SULT1E1: variants seen among roughly 807,000 people sequenced by gnomAD.
SULT1E1 encodes sulfotransferase 1E1.
In SULT1E1, 36 loss-of-function variants were observed where a neutral mutation model predicts 33.6. That is an observed-to-expected ratio of 1.07 (90% CI 0.82 to 1.41). The LOEUF (loss-of-function observed/expected upper bound fraction) is 1.41. SULT1E1 is among the 40% of genes most tolerant of loss of function. The pLI is 0.00. For missense variants in SULT1E1, 371 were observed against 345.7 expected, an observed-to-expected ratio of 1.07 and a Z score of -0.58; for synonymous variants, 121 against 111.7, an observed-to-expected ratio of 1.08 and a Z score of -0.53.
chr4:69,841,846 A>C lies in SULT1E1; in HGVS notation c.*148T>G. ...ACAGAGTGAGACTCTGTCTCAAAAA[A>C]AAAAAAAAAAAGTTAAACAAAAATT... On this transcript the variant is annotated 3_prime_UTR_variant, in exon 8 of 8. Coordinates refer to ENST00000226444, the MANE Select transcript of SULT1E1 (RefSeq NM_005420.3). The C allele has an allele frequency of 1.9e-6, 1 of 520,586 alleles. No homozygotes were observed. Among genetic ancestry groups the C allele is most frequent in the Non-Finnish European group, 3.3e-6 (1 of 303,544 alleles). The allele number at this position is 520,586 out of a possible 1,614,324, so 32.2% of individuals were successfully genotyped here.
chr4:69,854,394 T>C (rs11249469), intron 3 of SULT1E1, 80 bp from the exon 4 acceptor site: 35,668 of 852,534 alleles, frequency 0.042, 845 homozygotes, highest in Admixed American at 0.075. Flanking sequence ...ATTTGTAAAA[T>C]AGAAGTAATT....
intron 7 of SULT1E1, 96 bp from the exon 8 acceptor site, chr4:69,842,202 A>G: frequency 1.5e-6 from 1 of 681,736 alleles, no homozygotes; most frequent in East Asian, 2.8e-5. Flanking sequence ...CTAATCAAAT[A>G]TTATACTTGT....
the SULT1E1 span, among the ~76,000 whole-genome samples, chr4:69,831,801 C>T: frequency 2.0e-5 from 3 of 152,114 alleles, no homozygotes; most frequent in East Asian, 5.8e-4. Flanking sequence ...CTCCTATTAG[C>T]CAGATGTGGA....
the SULT1E1 span, among the ~76,000 whole-genome samples, chr4:69,822,072 G>A: frequency 6.6e-6 from 1 of 152,134 alleles, no homozygotes; most frequent in East Asian, 1.9e-4. Context: ...TCTAGCTATA[G>A]CAATGGAAAA....
At chr4:69,842,161 G>A in intron 7 of SULT1E1, 55 bp from the exon 8 acceptor site, 4 of 1,038,924 alleles carry the variant, frequency 3.9e-6, no homozygotes, top group Non-Finnish European at 4.4e-6. Flanking sequence ...AGAATCATTA[G>A]GTTTGCTAAT....
At chr4:69,838,283 T>C (rs981486809), downstream of SULT1E1, among the ~76,000 whole-genome samples, 1 of 151,448 alleles carries the variant, frequency 6.6e-6, no homozygotes, top group African/African-American at 2.4e-5. Flanking sequence ...AATTTAATTG[T>C]TTTTATTTTT....
At chr4:69,835,828 T>C in the SULT1E1 span, among the ~76,000 whole-genome samples, 1 of 152,162 alleles carries the variant, frequency 6.6e-6, no homozygotes, top group Non-Finnish European at 1.5e-5. Flanking sequence ...CTGGGTTGTT[T>C]TGTAGAAACT....
chr4:69,839,974 C>T (rs986105527), downstream of SULT1E1, among the ~76,000 whole-genome samples: 3 of 152,238 alleles, frequency 2.0e-5, no homozygotes, highest in Middle Eastern at 6.8e-3. Flanking sequence ...TGCTTACTTA[C>T]GTCAATTATA....
chr4:69,831,999 AG>A, the SULT1E1 span, among the ~76,000 whole-genome samples: 1 of 152,102 alleles, frequency 6.6e-6, no homozygotes, highest in African/African-American at 2.4e-5. Context: ...ATACCATGTC[AG>A]TTGGGGTATA....
intron 2 of SULT1E1, among the ~76,000 whole-genome samples, chr4:69,857,096 A>G (rs1721256702): frequency 1.3e-5 from 2 of 152,154 alleles, no homozygotes; most frequent in African/African-American, 4.8e-5. Flanking sequence ...ACTATGCTTA[A>G]AAATGGAGTT....
the SULT1E1 span, among the ~76,000 whole-genome samples, chr4:69,829,764 A>G: frequency 3.3e-5 from 5 of 152,272 alleles, no homozygotes; most frequent in African/African-American, 1.2e-4. Flanking sequence ...TGAAACTCCA[A>G]TGGCTCCTAC....
At chr4:69,853,318 C>T (rs927305346) in intron 4 of SULT1E1, among the ~76,000 whole-genome samples, 4 of 151,978 alleles carry the variant, frequency 2.6e-5, no homozygotes, top group Non-Finnish European at 1.5e-5. Flanking sequence ...CAGTGTAAAC[C>T]GTCAGCTTAA....
chr4:69,845,441 A>C (rs1458995139), intron 6 of SULT1E1, among the ~76,000 whole-genome samples: 1 of 151,602 alleles, frequency 6.6e-6, no homozygotes, highest in Admixed American at 6.6e-5. Flanking sequence ...ATAAAAATTA[A>C]AAATTGAAAT....
intron 6 of SULT1E1, among the ~76,000 whole-genome samples, chr4:69,845,184 A>T (rs1406911691): frequency 6.6e-6 from 1 of 152,040 alleles, no homozygotes; most frequent in African/African-American, 2.4e-5. Flanking sequence ...ATAGTTAATA[A>T]GTACAAAAAT....
chr4:69,828,900 G>A, the SULT1E1 span, among the ~76,000 whole-genome samples: 13 of 152,308 alleles, frequency 8.5e-5, no homozygotes, highest in East Asian at 1.7e-3. Context: ...GATCATCAAT[G>A]TACTGGAGCA....
At chr4:69,858,527 C>A (rs1738708109) in intron 1 of SULT1E1, among the ~76,000 whole-genome samples, 1 of 152,098 alleles carries the variant, frequency 6.6e-6, no homozygotes, top group Admixed American at 6.6e-5. Flanking sequence ...AGCTTCCCAA[C>A]ACATTTTGTC....
At position 69,844,075 on chromosome 4, in the gene SULT1E1, C is replaced by T; in HGVS notation, c.772+86G>A. The T allele has an allele frequency of 2.5e-6, 3 of 1,213,692 alleles. No homozygotes were observed. In the South Asian group the frequency reaches 3.7e-5, roughly 15 times the overall value. The allele number at this position is 1,213,692 out of a possible 1,614,324, so 75.2% of individuals were successfully genotyped here. Reference sequence around the variant, plus strand: ...AGAAAACTTAAGCTGGGTTCATAGGCATTAAAATACCTCACTAGATTTTTG... The same window carrying T: ...AGAAAACTTAAGCTGGGTTCATAGGTATTAAAATACCTCACTAGATTTTTG... On this transcript the variant is annotated intron_variant, in intron 7 of 7. Coordinates refer to ENST00000226444, the MANE Select transcript of SULT1E1 (RefSeq NM_005420.3).
At chr4:69,825,267 G>A in the SULT1E1 span, among the ~76,000 whole-genome samples, 56 of 152,066 alleles carry the variant, frequency 3.7e-4, no homozygotes, top group Admixed American at 1.3e-3. Flanking sequence ...AAGAAATTCC[G>A]GGCACATCTG....
chr4:69,828,983 A>G, the SULT1E1 span, among the ~76,000 whole-genome samples: 79 of 152,210 alleles, frequency 5.2e-4, 1 homozygote, highest in Non-Finnish European at 1.0e-3. Context: ...ATTGTGGGAG[A>G]GTTCTTAAAT....
Sources: gnomAD v4.1 joint callset for allele counts (sites outside exome capture counted in the v4.1 genomes callset) on GRCh38, gnomAD v4.1.1 for gene constraint, MANE v1.5 for transcripts, NCBI Gene and HGNC (gene_info 2026-07-23, HGNC 2026-07-21) for gene names.